The following NGLY1 variants were observed in gnomAD, a reference collection of about 807,000 sequenced individuals.
NGLY1 encodes N-glycanase 1.
A neutral mutation model predicts 84.6 loss-of-function variants in NGLY1; 68 were observed. That is an observed-to-expected ratio of 0.80 (90% CI 0.66 to 0.98). The LOEUF is 0.98. NGLY1 is among the 50% of genes least tolerant of loss of function. NGLY1 has a pLI of 0.00. For missense variants in NGLY1, 779 were observed against 770.2 expected, an observed-to-expected ratio of 1.01 and a Z score of -0.14; for synonymous variants, 280 against 275.2, an observed-to-expected ratio of 1.02 and a Z score of -0.17.
chr3:25,747,362 A>G (rs1038264919), intron 4 of NGLY1, among the ~76,000 whole-genome samples: 16 of 152,212 alleles, frequency 1.1e-4, no homozygotes, highest in South Asian at 8.3e-4. Flanking sequence ...CACAGGAAAA[A>G]AACTGTTAAT....
At chr3:25,755,566 G>T (rs991028400) in intron 3 of NGLY1, 2 of 1,435,928 alleles carry the variant, frequency 1.4e-6, no homozygotes, top group African/African-American at 1.4e-5. Flanking sequence ...TCAATGATTG[G>T]GCCCAAAAAT....
intron 3 of NGLY1, among the ~76,000 whole-genome samples, chr3:25,761,453 C>T (rs527835560): frequency 2.0e-5 from 3 of 152,222 alleles, no homozygotes; most frequent in African/African-American, 7.2e-5. Context: ...GCATGTACAA[C>T]CAGCAAGTTT....
intron 4 of NGLY1, among the ~76,000 whole-genome samples, chr3:25,740,625 G>C (rs1441923369): frequency 6.6e-6 from 1 of 151,668 alleles, no homozygotes; most frequent in African/African-American, 2.4e-5. Context: ...ATAGGTATAT[G>C]ATATATTATA....
At chr3:25,725,958 G>A (rs1459185569) in intron 10 of NGLY1, among the ~76,000 whole-genome samples, 1 of 152,144 alleles carries the variant, frequency 6.6e-6, no homozygotes, top group East Asian at 1.9e-4. Flanking sequence ...TACGCACCTT[G>A]AGGCTTGCCT....
intron 7 of NGLY1, chr3:25,734,255 G>A: frequency 4.1e-6 from 1 of 244,698 alleles, no homozygotes; most frequent in Non-Finnish European, 7.9e-6. Context: ...TTTAAGTAGA[G>A]ATGGGGTTTC....
rs527395690 is a variant in NGLY1 at position 25,789,283 on chromosome 3, G to A, written c.5+578C>T. Among the ~76,000 whole-genome samples the A allele has an allele frequency of 1.3e-3, 199 of 152,164 alleles. 2 individuals are homozygous for A. Among genetic ancestry groups the A allele is most frequent in the Middle Eastern group, 6.8e-3 (2 of 294 alleles). On this transcript the variant is annotated intron_variant, in intron 1 of 11. Coordinates refer to the NGLY1 transcript ENST00000417874. ...ATTTTTGAGCACTGTCTCAAATCTG[G>A]TGATAATTTTTTTTTAAGTGAAAGG...
chr3:25,767,957 A>G (rs1367610676), intron 2 of NGLY1, among the ~76,000 whole-genome samples: 1 of 151,710 alleles, frequency 6.6e-6, no homozygotes, highest in Non-Finnish European at 1.5e-5. Context: ...TACTAAAAAC[A>G]CAAAAATTAG....
chr3:25,735,936 T>C, intron 7 of NGLY1, 68 bp downstream of exon 7: 3 of 1,325,298 alleles, frequency 2.3e-6, no homozygotes, highest in South Asian at 1.5e-5. Flanking sequence ...TATACATTCA[T>C]GAAGCTGTCA....
At chr3:25,734,289 G>A (rs1705703966) in intron 7 of NGLY1, 2 of 181,578 alleles carry the variant, frequency 1.1e-5, no homozygotes, top group South Asian at 1.2e-4. Context: ...GGCTGGTCTC[G>A]AACTCCTGAC....
chr3:25,725,250 T>C (rs1247214404), intron 10 of NGLY1, among the ~76,000 whole-genome samples: 1 of 152,174 alleles, frequency 6.6e-6, no homozygotes, highest in African/African-American at 2.4e-5. Flanking sequence ...AAAAGGCCTA[T>C]CAGGACAGGG....
At chr3:25,731,907 A>C (rs1481274867) in intron 9 of NGLY1, among the ~76,000 whole-genome samples, 1 of 152,118 alleles carries the variant, frequency 6.6e-6, no homozygotes, top group African/African-American at 2.4e-5. Flanking sequence ...ATTACTTTCG[A>C]GGGTGTAAGG....
At chr3:25,721,403 A>T (rs1291706398) in intron 10 of NGLY1, among the ~76,000 whole-genome samples, 1 of 152,180 alleles carries the variant, frequency 6.6e-6, no homozygotes, top group African/African-American at 2.4e-5. Context: ...GCCTGGTCTG[A>T]AATGTACAGC....
chr3:25,755,110 GA>G (rs1487956678), intron 3 of NGLY1: 1 of 1,447,470 alleles, frequency 6.9e-7, no homozygotes, highest in African/African-American at 1.4e-5. Context: ...GCCATGCTAA[GA>G]AACCTAATGT....
chr3:25,745,108 T>C (rs1488700219), intron 4 of NGLY1, among the ~76,000 whole-genome samples: 1 of 152,208 alleles, frequency 6.6e-6, no homozygotes, highest in Non-Finnish European at 1.5e-5. Context: ...TCCCATATCC[T>C]GCTGTTTCTA....
At chr3:25,730,076 A>C (rs1705464530) in intron 9 of NGLY1, 1 of 152,098 alleles carries the variant, frequency 6.6e-6, no homozygotes, top group Admixed American at 6.6e-5. Flanking sequence ...GTATAGCATG[A>C]AACAGTCTTC....
intron 3 of NGLY1, among the ~76,000 whole-genome samples, chr3:25,760,144 T>C (rs1029409898): frequency 6.6e-6 from 1 of 152,130 alleles, no homozygotes; most frequent in African/African-American, 2.4e-5. Flanking sequence ...CTTCAAAAAA[T>C]ATTTCAGAAA....
At chr3:25,749,946 A>C (rs200138424) in intron 4 of NGLY1, 2 of 11,440 alleles carry the variant, frequency 1.7e-4, no homozygotes, top group African/African-American at 3.3e-4. Context: ...AAAACTGCCA[A>C]AAAAAAAAAA....
At chr3:25,772,054 T>C (rs1483004573) in intron 2 of NGLY1, among the ~76,000 whole-genome samples, 3 of 152,234 alleles carry the variant, frequency 2.0e-5, no homozygotes, top group Non-Finnish European at 4.4e-5. Flanking sequence ...GGCTAGGACT[T>C]CCAGTACTAT....
At chr3:25,736,403 TAAG>T in intron 6 of NGLY1, 1 of 1,544,998 alleles carries the variant, frequency 6.5e-7, no homozygotes, top group Non-Finnish European at 8.8e-7. Flanking sequence ...CTGTAACTCT[TAAG>T]AAGGTAGACA....
Sources: gnomAD v4.1 joint callset for allele counts (sites outside exome capture counted in the v4.1 genomes callset) on GRCh38, gnomAD v4.1.1 for gene constraint, MANE v1.5 for transcripts, NCBI Gene and HGNC (gene_info 2026-07-23, HGNC 2026-07-21) for gene names.